Variants in SHB observed in about 807,000 individuals in gnomAD.
The protein encoded by SHB is SH2 domain containing adaptor protein B.
A neutral mutation model predicts 52.3 loss-of-function variants in SHB; 20 were observed. The observed-to-expected ratio is 0.38, with a 90% CI of 0.27 to 0.56. SHB has a LOEUF of 0.56. SHB is among the 20% of genes least tolerant of loss of function. The pLI is 0.71. For missense variants in SHB, 825 were observed against 723.3 expected, an observed-to-expected ratio of 1.14 and a Z score of -1.61; for synonymous variants, 397 against 316.5, an observed-to-expected ratio of 1.25 and a Z score of -2.70.
intron 1 of SHB, among the ~76,000 whole-genome samples, chr9:38,039,254 A>G (rs1436979160): frequency 6.6e-6 from 1 of 152,232 alleles, no homozygotes; most frequent in Non-Finnish European, 1.5e-5. Flanking sequence ...ACAAAAAACC[A>G]CTTTTCTGAT....
rs706148 is a variant in SHB, at chr9:37,918,112, A to G, written c.*1709T>C. Among the ~76,000 whole-genome samples the G allele has an allele frequency of 0.99, 150,597 of 152,362 alleles. 74,454 individuals are homozygous for G. The highest frequency in any genetic ancestry group is 1 in the Middle Eastern group (294 of 294). On this transcript the variant is annotated 3_prime_UTR_variant, in exon 6 of 6. Coordinates refer to ENST00000377707, the MANE Select transcript of SHB (RefSeq NM_003028.3). ...GCTGATGTCTGAACCTGCTGATGACATTCAAACTCGGCCCCTTGTGCTCTG... is the reference window on the plus strand; with the variant it reads ...GCTGATGTCTGAACCTGCTGATGACGTTCAAACTCGGCCCCTTGTGCTCTG...
At chr9:37,920,281 AAAACAAAAC>A (rs1564079070) in intron 5 of SHB, among the ~76,000 whole-genome samples, 13 of 20,778 alleles carry the variant, frequency 6.3e-4, no homozygotes, top group Non-Finnish European at 1.2e-3. Flanking sequence ...TCAGAAAAAC[AAAACAAAAC>A]AAAACAAAAC....
At chr9:38,017,207 T>C (rs942837816) in intron 1 of SHB, among the ~76,000 whole-genome samples, 1 of 152,200 alleles carries the variant, frequency 6.6e-6, no homozygotes, top group Admixed American at 6.5e-5. Flanking sequence ...CCCTTTTTGG[T>C]CACATTTCTG....
chr9:38,068,292 G>C lies in SHB; in HGVS notation c.354C>G (p.Ser118Arg). 1 of 1,481,430 alleles carries C rather than the reference G, an allele frequency of 6.8e-7. No homozygotes were observed. The highest frequency in any genetic ancestry group is 8.9e-7 in the Non-Finnish European group (1 of 1,121,478). The allele number at this position is 1,481,430 out of a possible 1,614,324, so 91.8% of individuals were successfully genotyped here. ...AMCRLDYCGG[S>R]GEPGGVQRAF... Reference sequence around the variant, plus strand: ...CGCGCTGGACCCCGCCTGGCTCCCCGCTGCCGCCGCAGTAGTCCAGGCGGC... The same window carrying C: ...CGCGCTGGACCCCGCCTGGCTCCCCCCTGCCGCCGCAGTAGTCCAGGCGGC... Residue 118 changes from serine (S) to arginine (R), a missense_variant, in exon 1 of 6, where the codon AGC (serine) becomes AGG (arginine). Physicochemically the swap from Ser to Arg is moderately radical, Grantham distance 110. Transcript: ENST00000377707.
At chr9:38,020,697 C>G (rs1821271445) in intron 1 of SHB, among the ~76,000 whole-genome samples, 4 of 152,190 alleles carry the variant, frequency 2.6e-5, no homozygotes, top group Admixed American at 2.6e-4. Context: ...TCTCACAAAT[C>G]ACCACTAAAG....
intron 1 of SHB, among the ~76,000 whole-genome samples, chr9:38,021,704 A>C (rs553256760): frequency 1.3e-5 from 2 of 151,878 alleles, no homozygotes; most frequent in East Asian, 3.9e-4. Flanking sequence ...AGAGAGGCAG[A>C]CTGGCTGCTG....
intron 1 of SHB, among the ~76,000 whole-genome samples, chr9:38,064,369 T>C (rs1247820704): frequency 6.6e-6 from 1 of 152,184 alleles, no homozygotes; most frequent in Non-Finnish European, 1.5e-5. Context: ...CACACTGTCA[T>C]CTCTCATTCC....
intron 2 of SHB, among the ~76,000 whole-genome samples, chr9:38,003,538 G>T (rs921903592): frequency 6.6e-6 from 1 of 152,148 alleles, no homozygotes; most frequent in Non-Finnish European, 1.5e-5. Context: ...TGAGGGGAGG[G>T]CCAAGGTGGG....
intron 3 of SHB, among the ~76,000 whole-genome samples, chr9:37,973,373 G>A (rs1283618694): frequency 6.6e-6 from 1 of 152,192 alleles, no homozygotes. Flanking sequence ...ACAGTCATGT[G>A]CCACCACGCC....
chr9:38,061,237 G>A (rs1280240001), intron 1 of SHB, among the ~76,000 whole-genome samples: 2 of 151,674 alleles, frequency 1.3e-5, no homozygotes, highest in African/African-American at 4.8e-5. Flanking sequence ...GCCTGAGCCT[G>A]GGAAGTTGAG....
At chr9:37,967,958 G>A (rs1029889701) in intron 3 of SHB, among the ~76,000 whole-genome samples, 12 of 152,216 alleles carry the variant, frequency 7.9e-5, no homozygotes, top group East Asian at 3.8e-4. Flanking sequence ...CAGGGGACTC[G>A]TTAGAACTGT....
chr9:38,061,641 G>A (rs1390155183), intron 1 of SHB, among the ~76,000 whole-genome samples: 1 of 152,202 alleles, frequency 6.6e-6, no homozygotes, highest in African/African-American at 2.4e-5. Context: ...TGCTCTGGGG[G>A]CAAAGAGAGG....
At chr9:37,984,535 C>G (rs1363408050) in intron 2 of SHB, among the ~76,000 whole-genome samples, 2 of 152,200 alleles carry the variant, frequency 1.3e-5, no homozygotes, top group African/African-American at 4.8e-5. Context: ...CTCCTTAACT[C>G]CTGGACCAGG....
At chr9:37,967,258 T>C (rs1046987559) in intron 3 of SHB, among the ~76,000 whole-genome samples, 4 of 152,188 alleles carry the variant, frequency 2.6e-5, no homozygotes, top group Non-Finnish European at 1.5e-5. Flanking sequence ...CTTACCTTAA[T>C]GGGATTATTT....
intron 1 of SHB, among the ~76,000 whole-genome samples, chr9:38,024,045 G>A (rs931608267): frequency 3.3e-5 from 5 of 152,214 alleles, no homozygotes; most frequent in South Asian, 2.1e-4. Flanking sequence ...GAAATCAGAC[G>A]GTGGGGAGGT....
intron 3 of SHB, among the ~76,000 whole-genome samples, chr9:37,958,748 A>C (rs1346444155): frequency 6.6e-6 from 1 of 152,162 alleles, no homozygotes; most frequent in Non-Finnish European, 1.5e-5. Flanking sequence ...ACACATCACC[A>C]CCAGCATCTA....
intron 5 of SHB, among the ~76,000 whole-genome samples, chr9:37,924,677 A>C (rs1027338914): frequency 6.6e-6 from 1 of 152,198 alleles, no homozygotes; most frequent in Non-Finnish European, 1.5e-5. Flanking sequence ...AGATATAACA[A>C]CACCCAGTAC....
At chr9:38,063,875 C>G (rs1272152317) in intron 1 of SHB, among the ~76,000 whole-genome samples, 1 of 149,516 alleles carries the variant, frequency 6.7e-6, no homozygotes, top group African/African-American at 2.5e-5. Flanking sequence ...TAACTCAACT[C>G]TGGATGCTGA....
chr9:38,039,860 G>A (rs1359286893), intron 1 of SHB, among the ~76,000 whole-genome samples: 4 of 152,252 alleles, frequency 2.6e-5, no homozygotes, highest in Admixed American at 6.5e-5. Flanking sequence ...AGGGGCGAGG[G>A]GAGAGGAGGA....
Sources: gnomAD v4.1 joint callset for allele counts (sites outside exome capture counted in the v4.1 genomes callset) on GRCh38, gnomAD v4.1.1 for gene constraint, MANE v1.5 for transcripts, NCBI Gene and HGNC (gene_info 2026-07-23, HGNC 2026-07-21) for gene names.